The following CNPY1 variants were observed in gnomAD, a reference collection of about 807,000 sequenced individuals.
CNPY1 encodes protein canopy homolog 1.
Under a neutral mutation model 14.4 loss-of-function variants are expected in CNPY1, and 14 were observed. The observed-to-expected ratio is 0.97, with a 90% CI of 0.64 to 1.52. The LOEUF (loss-of-function observed/expected upper bound fraction) is 1.52, where lower values mean the gene tolerates loss of function less well. CNPY1 is among the 40% of genes most tolerant of loss of function. The probability of loss-of-function intolerance (pLI) is 0.00; values close to 1 mark genes in which losing one functional copy is unlikely to be tolerated. For synonymous variants in CNPY1, 43 were observed against 46.5 expected (o/e 0.92, Z 0.31); for missense variants, 129 against 131.5 (o/e 0.98, Z 0.09).
intron 2 of CNPY1, among the ~76,000 whole-genome samples, chr7:155,515,867 C>A (rs184048957): frequency 6.6e-6 from 1 of 152,224 alleles, no homozygotes; most frequent in East Asian, 1.9e-4. Context: ...AATTTGATTT[C>A]TTTAAAACAA....
intron 2 of CNPY1, among the ~76,000 whole-genome samples, chr7:155,529,048 G>A (rs1194829061): frequency 3.3e-4 from 45 of 136,756 alleles, no homozygotes; most frequent in African/African-American, 1.1e-3. Context: ...GTGACAGAGC[G>A]AGACTCCATA....
Position 155,536,278 on chromosome 7 carries a change from G to C in CNPY1, c.99+9553C>G, listed in dbSNP as rs1797021774. ...TCACCCACTGCAGCAGACAGGTCCTGGGCGGGGCTGGTTATTTCTGCAGTA... is the reference window on the plus strand; with the variant it reads ...TCACCCACTGCAGCAGACAGGTCCTCGGCGGGGCTGGTTATTTCTGCAGTA... On this transcript the variant is annotated intron_variant, in intron 2 of 4. Coordinates refer to ENST00000636446, the MANE Select transcript of CNPY1 (RefSeq NM_001393663.1). This position sits in a 1 kb window ranked among gnomAD's most constrained non-coding sequence, Gnocchi z 4.1. 6.6e-6 allele frequency among the ~76,000 whole-genome samples: 1 copy of C among 152,200 alleles called. No homozygotes were observed. Among genetic ancestry groups the C allele is most frequent in the Non-Finnish European group, 1.5e-5 (1 of 68,048 alleles).
chr7:155,514,558 C>T (rs976621624), intron 2 of CNPY1, among the ~76,000 whole-genome samples: 5 of 152,178 alleles, frequency 3.3e-5, no homozygotes, highest in African/African-American at 1.2e-4. Flanking sequence ...CCAACTTGGT[C>T]TTCTGAATAC....
chr7:155,504,661 T>C (rs1017362146), intron 4 of CNPY1, among the ~76,000 whole-genome samples: 2 of 151,004 alleles, frequency 1.3e-5, no homozygotes, highest in Admixed American at 1.3e-4. Flanking sequence ...TAAAGAGTTA[T>C]TGCTTAATGT....
intron 2 of CNPY1, among the ~76,000 whole-genome samples, chr7:155,543,874 G>T (rs1797129498): frequency 1.3e-5 from 2 of 152,338 alleles, no homozygotes; most frequent in Admixed American, 1.3e-4. Context: ...CTCTAAGATT[G>T]CCTTAGGCAC....
intron 2 of CNPY1, among the ~76,000 whole-genome samples, chr7:155,511,463 C>A (rs934425388): frequency 1.3e-5 from 2 of 152,210 alleles, no homozygotes; most frequent in Admixed American, 6.5e-5. Context: ...TCCTAGGTTG[C>A]ACCTTTTGGA....
At chr7:155,506,992 C>T (rs144666756) in intron 4 of CNPY1, 28 bp downstream of exon 4, 15,092 of 1,428,478 alleles carry the variant, frequency 0.011, 141 homozygotes, top group South Asian at 0.027. Flanking sequence ...GTGCGAGCAG[C>T]GAGCACATGT....
At chr7:155,503,245 A>G (rs1175051126) in intron 4 of CNPY1, 140 bp from the exon 5 acceptor site, 3 of 722,450 alleles carry the variant, frequency 4.2e-6, no homozygotes, top group Admixed American at 2.8e-5. Context: ...CCAAAATGTT[A>G]TTATAGAAAT....
intron 2 of CNPY1, among the ~76,000 whole-genome samples, chr7:155,519,926 T>A (rs1796686725): frequency 6.6e-6 from 1 of 152,226 alleles, no homozygotes; most frequent in African/African-American, 2.4e-5. Context: ...AATTCATAGC[T>A]CCTCTCATAG....
At chr7:155,543,311 C>G (rs979084196) in intron 2 of CNPY1, among the ~76,000 whole-genome samples, 1 of 152,142 alleles carries the variant, frequency 6.6e-6, no homozygotes, top group Non-Finnish European at 1.5e-5. Context: ...CACTGAAGGC[C>G]AAGCTGAGCA....
chr7:155,527,054 C>CTTTCTTTCTTTCTTTCTTTTTTTTTT, intron 2 of CNPY1, among the ~76,000 whole-genome samples: 1 of 90,342 alleles, frequency 1.1e-5, no homozygotes, highest in Non-Finnish European at 2.0e-5. Context: ...TTCTTTCTTT[C>CTTTCTTTCTTTCTTTCTTTTTTTTTT]TTTTTTTTTT....
intron 2 of CNPY1, among the ~76,000 whole-genome samples, chr7:155,528,111 T>C (rs1378559406): frequency 2.0e-5 from 3 of 152,242 alleles, no homozygotes; most frequent in African/African-American, 7.2e-5. Context: ...TCCATGTGGC[T>C]GGAGAGGGCT....
At chr7:155,543,382 GC>G (rs1213231932) in intron 2 of CNPY1, among the ~76,000 whole-genome samples, 1 of 152,214 alleles carries the variant, frequency 6.6e-6, no homozygotes. Flanking sequence ...CACCAGCCTG[GC>G]CCCCATCCAA....
intron 2 of CNPY1, among the ~76,000 whole-genome samples, chr7:155,523,540 A>G (rs1306051176): frequency 3.3e-5 from 5 of 152,198 alleles, no homozygotes; most frequent in Non-Finnish European, 5.9e-5. Context: ...CAGTGACCGA[A>G]CATGAAGAGG....
intron 2 of CNPY1, among the ~76,000 whole-genome samples, chr7:155,515,922 C>T (rs1222319646): frequency 6.6e-6 from 1 of 151,904 alleles, no homozygotes; most frequent in Non-Finnish European, 1.5e-5. Context: ...CTCATCCCTC[C>T]CCCAGACCCC....
Position 155,503,043 on chromosome 7 carries a change from C to A in CNPY1, c.*25G>T. ...GACCTTTGGGTGTGACTTTACTCCTCTCTACGACCAGCAGAACGGCACTCC... is the reference window on the plus strand; with the variant it reads ...GACCTTTGGGTGTGACTTTACTCCTATCTACGACCAGCAGAACGGCACTCC... On this transcript the variant is annotated 3_prime_UTR_variant, in exon 5 of 5. Coordinates refer to ENST00000636446, the MANE Select transcript of CNPY1 (RefSeq NM_001393663.1). 6.2e-7 allele frequency: 1 copy of A among 1,607,406 alleles called. No homozygotes were observed. Among genetic ancestry groups the A allele is most frequent in the South Asian group, 1.1e-5 (1 of 90,716 alleles).
chr7:155,527,667 G>A (rs1796855204), intron 2 of CNPY1, among the ~76,000 whole-genome samples: 2 of 151,360 alleles, frequency 1.3e-5, no homozygotes, highest in Non-Finnish European at 2.9e-5. Flanking sequence ...GCCCAGGCTG[G>A]TCTCAAAATC....
At chr7:155,540,690 G>A (rs771054803) in intron 2 of CNPY1, among the ~76,000 whole-genome samples, 25 of 152,232 alleles carry the variant, frequency 1.6e-4, no homozygotes, top group Admixed American at 9.2e-4. Flanking sequence ...GTGAACACAC[G>A]TTTCCTGGGT....
chr7:155,507,942 G>A (rs539553699), intron 3 of CNPY1, among the ~76,000 whole-genome samples: 42 of 152,258 alleles, frequency 2.8e-4, no homozygotes, highest in African/African-American at 9.9e-4. Flanking sequence ...ATTTAAATTC[G>A]ACTCTAATGT....
Sources: gnomAD v4.1 joint callset for allele counts (sites outside exome capture counted in the v4.1 genomes callset) on GRCh38, gnomAD v4.1.1 for gene constraint, Gnocchi (gnomAD v3.1) non-coding constraint, MANE v1.5 for transcripts, NCBI Gene and HGNC (gene_info 2026-07-23, HGNC 2026-07-21) for gene names.